The following CNOT7 variants were observed in gnomAD, a reference collection of about 807,000 sequenced individuals.
CNOT7 encodes the protein CCR4-NOT transcription complex subunit 7.
Under a neutral mutation model 37.1 loss-of-function variants are expected in CNOT7, and 4 were observed. The ratio of observed to expected loss-of-function variants is 0.11; its 90% CI spans 0.05 to 0.25. CNOT7 has a LOEUF of 0.25. Among genes scored for constraint, CNOT7 ranks in the 10% least tolerant of loss-of-function variants. The pLI is 1.00. For missense variants in CNOT7, 170 were observed against 336.2 expected, an observed-to-expected ratio of 0.51 and a Z score of 3.87; for synonymous variants, 128 against 115.6, an observed-to-expected ratio of 1.11 and a Z score of -0.69.
chr8:17,240,267 C>T (rs1215733428), intron 3 of CNOT7, among the ~76,000 whole-genome samples: 1 of 152,214 alleles, frequency 6.6e-6, no homozygotes, highest in Non-Finnish European at 1.5e-5. Context: ...CTTGTCCAAC[C>T]TGCAGCCAGT....
intron 3 of CNOT7, among the ~76,000 whole-genome samples, chr8:17,239,640 C>A (rs1809870030): frequency 6.6e-6 from 1 of 152,080 alleles, no homozygotes; most frequent in Admixed American, 6.5e-5. Flanking sequence ...TACAGGTGCT[C>A]ACCACCACAC....
rs537802900 is a variant in CNOT7, at chr8:17,227,600, A to G, written c.*3120T>C. On this transcript the variant is annotated 3_prime_UTR_variant, in exon 7 of 7. Transcript: ENST00000361272. ...TTGTAAACATTTTGGTTGCAGCCTC[A>G]TTTTTATTACTTTTGTGAAATTTTG... The G allele has an allele frequency of 6.6e-6, 1 of 152,036 alleles. No homozygotes were observed. Among genetic ancestry groups the G allele is most frequent in the Non-Finnish European group, 1.5e-5 (1 of 67,822 alleles). 9.4% of individuals were successfully genotyped at this position (152,036 alleles called of 1,614,324 possible).
Position 17,234,833 on chromosome 8 carries a change from T to C in CNOT7, c.501A>G (p.Lys167=). Residue 167 remains lysine (K), a synonymous_variant, in exon 5 of 7, where the codon AAA becomes AAG. Coordinates refer to ENST00000361272, the MANE Select transcript of CNOT7 (RefSeq NM_013354.7). ...HSGYDFGYLI[K]ILTNSNLPEE... ...CAGGCAAGTTAGAGTTGGTTAGGAT[T>C]TTGATTAAGTAGCCAAAGTCGTAAC... 1 of 1,614,004 alleles carries C rather than the reference T, an allele frequency of 6.2e-7. No individual in the cohort carries two copies.
rs1808255363 is a variant in CNOT7 at position 17,227,729 on chromosome 8, A to G, written c.*2991T>C. 6.6e-6 allele frequency: 1 copy of G among 151,880 alleles called. No homozygotes were observed. Among genetic ancestry groups the G allele is most frequent in the Non-Finnish European group, 1.5e-5 (1 of 67,818 alleles). 9.4% of individuals were successfully genotyped at this position (151,880 alleles called of 1,614,324 possible). On this transcript the variant is annotated 3_prime_UTR_variant, in exon 7 of 7. Transcript: ENST00000361272. ...GATACTGTCAGTCTATTCTTTTACC[A>G]GTTATGGTGACACTGCATTATAAAC...
intron 3 of CNOT7, among the ~76,000 whole-genome samples, chr8:17,240,451 A>C (rs1810010793): frequency 6.6e-6 from 1 of 152,330 alleles, no homozygotes; most frequent in African/African-American, 2.4e-5. Context: ...GGAAACCAAA[A>C]GATTAGACAC....
chr8:17,239,577 C>T (rs1397956848), intron 3 of CNOT7, among the ~76,000 whole-genome samples: 2 of 152,110 alleles, frequency 1.3e-5, no homozygotes, highest in African/African-American at 4.8e-5. Context: ...CTGCAAGCTC[C>T]ACCTCCTGGG....
chr8:17,245,402 CT>C lies in CNOT7; in HGVS notation c.-95-156del, dbSNP rs1398705277. Among the ~76,000 whole-genome samples the C allele has an allele frequency of 2.6e-5, 4 of 151,896 alleles. No individual in the cohort carries two copies. In the East Asian group the frequency reaches 7.7e-4, roughly 29 times the overall value. On this transcript the variant is annotated intron_variant, in intron 1 of 6. Coordinates refer to ENST00000361272, the MANE Select transcript of CNOT7 (RefSeq NM_013354.7). The stretch of plus-strand genomic sequence containing the variant: ...TAGAAAGTAACTTAAGGTCACACAG[CT>C]AGTCTATAGGAAAAAAAGGACTACA...
chr8:17,226,270 T>C lies in CNOT7; in HGVS notation c.*4450A>G, dbSNP rs1203409394. 1 of 151,342 alleles carries C rather than the reference T, an allele frequency of 6.6e-6. No individual in the cohort carries two copies. The highest frequency in any genetic ancestry group is 1.5e-5 in the Non-Finnish European group (1 of 67,554). 9.4% of individuals were successfully genotyped at this position (151,342 alleles called of 1,614,324 possible). A position where few individuals can be genotyped will look rare whatever the true frequency, so the allele number is the denominator to read the frequency against. On this transcript the variant is annotated 3_prime_UTR_variant, in exon 7 of 7. Transcript: ENST00000361272. ...CAGGGGACGGGAGGTAACATTTTGC[T>C]CAATTTGGGCTGAAAGTTGGTATCC...
chr8:17,237,381 A>G lies in CNOT7; in HGVS notation c.312-8T>C. 6.2e-7 allele frequency: 1 copy of G among 1,612,792 alleles called. No individual in the cohort carries two copies. Among genetic ancestry groups the G allele is most frequent in the African/African-American group, 1.3e-5 (1 of 74,966 alleles). ...TGGGCATACATGTCCTCCCTGGCAG[A>G]AGAAAGAGAAAGACAACATTCAAAC... is the stretch of plus-strand genomic sequence containing the variant. On this transcript the variant is annotated splice_region_variant and splice_polypyrimidine_tract_variant and intron_variant, in intron 3 of 6. Coordinates refer to ENST00000361272, the MANE Select transcript of CNOT7 (RefSeq NM_013354.7).
intron 1 of CNOT7, 62 bp from the exon 2 acceptor site, chr8:17,245,309 G>A: frequency 1.4e-6 from 1 of 694,434 alleles, no homozygotes; most frequent in Non-Finnish European, 2.1e-6. Context: ...CAGAATAATT[G>A]ATCCAGCAGG....
intron 3 of CNOT7, 149 bp downstream of exon 3, chr8:17,242,843 A>C: frequency 2.1e-6 from 1 of 476,768 alleles, no homozygotes; most frequent in Non-Finnish European, 3.7e-6. Context: ...TAAAAAAGAA[A>C]ACCACGCTTT....
intron 1 of CNOT7, among the ~76,000 whole-genome samples, chr8:17,245,469 G>A (rs1235611946): frequency 6.6e-6 from 1 of 152,022 alleles, no homozygotes; most frequent in African/African-American, 2.4e-5. Flanking sequence ...TTTTAAAATA[G>A]CTTTTTTACA....
chr8:17,242,735 A>G (rs987546029), intron 3 of CNOT7: 1 of 297,112 alleles, frequency 3.4e-6, no homozygotes, highest in Non-Finnish European at 6.1e-6. Flanking sequence ...TTCTATCAGA[A>G]GTACTTTCAA....
intron 5 of CNOT7, among the ~76,000 whole-genome samples, chr8:17,234,128 A>G (rs1374942474): frequency 6.6e-6 from 1 of 152,174 alleles, no homozygotes; most frequent in African/African-American, 2.4e-5. Context: ...ACTACTATCT[A>G]GGCAGGACCT....
intron 5 of CNOT7, among the ~76,000 whole-genome samples, chr8:17,233,042 C>A (rs993033703): frequency 3.9e-5 from 6 of 151,958 alleles, no homozygotes; most frequent in Admixed American, 3.3e-4. Context: ...TTAGTTAAGA[C>A]GAGTATATGC....
In CNOT7 at chr8:17,228,765, T is replaced by TATCA. The variant is rs927926591; in HGVS notation, c.*1951_*1954dup. The TATCA allele has an allele frequency of 2.0e-5, 3 of 151,966 alleles. No homozygotes were observed. Among genetic ancestry groups the TATCA allele is most frequent in the South Asian group, 2.1e-4 (1 of 4,836 alleles). 9.4% of individuals were successfully genotyped at this position (151,966 alleles called of 1,614,324 possible). A position where few individuals can be genotyped will look rare whatever the true frequency, so the allele number is the denominator to read the frequency against. On this transcript the variant is annotated 3_prime_UTR_variant, in exon 7 of 7. Transcript: ENST00000361272. ...ATGTGGCTAATAAAAAGGCAATCTT[T>TATCA]ATCATTCCTATTTGAAATCCAGCAT...
At position 17,237,202 on chromosome 8, in the gene CNOT7, G is replaced by C. The variant is rs1300505455; in HGVS notation, c.473+10C>G. On this transcript the variant is annotated intron_variant, in intron 4 of 6. Transcript: ENST00000361272. The stretch of plus-strand genomic sequence containing the variant: ...AAAAACAAATGCCATTTTCAATGTA[G>C]TCGTTTTACCTATGAAATGACAACC... 1 of 1,612,096 alleles carries C rather than the reference G, an allele frequency of 6.2e-7. No homozygotes were observed.
chr8:17,235,818 A>G (rs1306975505), intron 4 of CNOT7, among the ~76,000 whole-genome samples: 2 of 152,240 alleles, frequency 1.3e-5, no homozygotes, highest in Non-Finnish European at 2.9e-5. Context: ...AAAATCTTCT[A>G]TCTTGATAAA....
At chr8:17,244,880 T>G (rs1282722113) in intron 2 of CNOT7, 156 bp downstream of exon 2, 2 of 629,816 alleles carry the variant, frequency 3.2e-6, no homozygotes, top group Admixed American at 5.8e-5. Context: ...ACAGGTGTAT[T>G]CCTGATGGAT....
Sources: allele counts gnomAD v4.1 joint callset (sites outside exome capture counted in the v4.1 genomes callset), GRCh38; gene constraint gnomAD v4.1.1; transcripts MANE v1.5; gene names NCBI Gene and HGNC (gene_info 2026-07-23, HGNC 2026-07-21).